Variants in ANK2 observed in about 807,000 individuals in gnomAD.
ANK2 encodes ankyrin-2.
Under a neutral mutation model 360.5 loss-of-function variants are expected in ANK2, and 83 were observed. That is an observed-to-expected ratio of 0.23 (90% CI 0.19 to 0.28). The LOEUF (loss-of-function observed/expected upper bound fraction) is 0.28. Ranked by LOEUF, ANK2 falls within the 10% of genes least tolerant of loss-of-function variation. The pLI, the probability that ANK2 is intolerant of heterozygous loss-of-function variation, is 1.00. For synonymous variants in ANK2, 1,740 were observed against 1,759.5 expected (o/e 0.99, Z 0.28); for missense variants, 4,201 against 4,795.7 (o/e 0.88, Z 3.66).
In ANK2 at chr4:113,336,045, C is replaced by T. The variant is rs3736575; in HGVS notation, c.3579C>T (p.Arg1193=). ...FPEGALTKRI[R]VGLQAQPMHS... ...AGGGGGCACTCACCAAGCGGATCCGCGTAGGCCTGCAGGTATGCCCATGTT... is the reference window on the plus strand; with the variant it reads ...AGGGGGCACTCACCAAGCGGATCCGTGTAGGCCTGCAGGTATGCCCATGTT... The change falls in exon 30 of 46, where the codon CGC becomes CGT. Residue 1193 remains arginine (R), a synonymous_variant. Coordinates refer to ENST00000357077, the MANE Select transcript of ANK2 (RefSeq NM_001148.6). 0.12 allele frequency: 200,365 copies of T among 1,613,414 alleles called. 20,512 individuals are homozygous for T. The highest frequency in any genetic ancestry group is 0.56 in the African/African-American group (41,571 of 74,874).
Position 113,245,816 on chromosome 4 carries a change from T to C in ANK2, c.891+3607T>C, listed in dbSNP as rs547624144. Among the ~76,000 whole-genome samples, 164 of 152,330 alleles carry C rather than the reference T, an allele frequency of 1.1e-3. 1 individual carries two copies. The highest frequency in any genetic ancestry group is 3.7e-3 in the African/African-American group (155 of 41,576). On this transcript the variant is annotated intron_variant, in intron 9 of 45. Coordinates refer to ENST00000357077, the MANE Select transcript of ANK2 (RefSeq NM_001148.6). ...GCTTCTACATATGAAAATTTTTTTTTTTTTGAGACGGAGTTTTCACTCTTG... is the reference window on the plus strand; with the variant it reads ...GCTTCTACATATGAAAATTTTTTTTCTTTTGAGACGGAGTTTTCACTCTTG...
At chr4:112,723,234 G>A in the ANK2 span, among the ~76,000 whole-genome samples, 1 of 152,180 alleles carries the variant, frequency 6.6e-6, no homozygotes, top group South Asian at 2.1e-4. Context: ...TGCAGTGGAA[G>A]GGAGGAAAAG....
At chr4:112,870,157 C>A (rs1393852220) in intron 1 of ANK2, among the ~76,000 whole-genome samples, 1 of 151,974 alleles carries the variant, frequency 6.6e-6, no homozygotes, top group Non-Finnish European at 1.5e-5. Flanking sequence ...CGCCACCACA[C>A]CCGGCTAATT....
chr4:113,039,338 C>G (rs2062365258), intron 2 of ANK2, among the ~76,000 whole-genome samples: 1 of 152,144 alleles, frequency 6.6e-6, no homozygotes, highest in Middle Eastern at 3.4e-3. Context: ...AAAACAGGCT[C>G]ATCTCCAAGT....
chr4:113,078,775 C>T (rs2081162162), intron 1 of ANK2, among the ~76,000 whole-genome samples: 1 of 152,136 alleles, frequency 6.6e-6, no homozygotes, highest in African/African-American at 2.4e-5. Flanking sequence ...ATATTCTGAA[C>T]AAAGTTTAAA....
intron 2 of ANK2, among the ~76,000 whole-genome samples, chr4:113,190,185 G>C (rs1363977285): frequency 1.3e-5 from 2 of 151,954 alleles, no homozygotes; most frequent in African/African-American, 4.8e-5. Flanking sequence ...TTTGAGGCAA[G>C]GGGTTTGCTC....
intron 1 of ANK2, among the ~76,000 whole-genome samples, chr4:113,139,148 C>T (rs1221942419): frequency 6.6e-6 from 1 of 152,144 alleles, no homozygotes; most frequent in Non-Finnish European, 1.5e-5. Flanking sequence ...ACAACCATGG[C>T]GTGCAACATA....
intron 1 of ANK2, among the ~76,000 whole-genome samples, chr4:112,820,127 A>C (rs1479517484): frequency 6.6e-6 from 1 of 152,256 alleles, no homozygotes; most frequent in Non-Finnish European, 1.5e-5. Flanking sequence ...ATGTGAAAAG[A>C]AATGGAAGAA....
the ANK2 span, among the ~76,000 whole-genome samples, chr4:112,789,166 T>C: frequency 6.6e-6 from 1 of 152,168 alleles, no homozygotes; most frequent in Non-Finnish European, 1.5e-5. Context: ...ATACAATTAT[T>C]ATACTGTGGT....
rs557013237 is a variant in ANK2 at position 112,981,783 on chromosome 4, G to T, written c.21+77269G>T. Among the ~76,000 whole-genome samples, 4 of 152,324 alleles carry T rather than the reference G, an allele frequency of 2.6e-5. No individual in the cohort carries two copies. The East Asian group carries it at 7.7e-4, about 29-fold the overall frequency. On this transcript the variant is annotated intron_variant, in intron 2 of 30. Coordinates refer to the ANK2 transcript ENST00000503271. ...GAAGGTCTAAAGAAAGGAAGTTTGG[G>T]CTGGAGATAGGAATTTGGAATTGTG... is the stretch of plus-strand genomic sequence containing the variant.
chr4:113,171,555 G>T (rs556736802), intron 1 of ANK2, among the ~76,000 whole-genome samples: 2 of 152,088 alleles, frequency 1.3e-5, no homozygotes, highest in South Asian at 4.2e-4. Context: ...TCCCTTAAAG[G>T]GGTTCTAGAA....
At chr4:112,737,756 C>T in the ANK2 span, among the ~76,000 whole-genome samples, 14 of 152,284 alleles carry the variant, frequency 9.2e-5, no homozygotes, top group South Asian at 2.9e-3. Flanking sequence ...TGGGCTTCTT[C>T]CTGGCTTGGT....
chr4:113,212,070 A>G (rs908107346), intron 4 of ANK2, among the ~76,000 whole-genome samples: 1 of 152,236 alleles, frequency 6.6e-6, no homozygotes, highest in African/African-American at 2.4e-5. Context: ...TTAATACATA[A>G]TTTGCATAGA....
intron 1 of ANK2, among the ~76,000 whole-genome samples, chr4:113,134,281 CTTTTTTTTTTTTTT>C (rs5861124): frequency 1.7e-4 from 15 of 86,114 alleles, no homozygotes; most frequent in East Asian, 3.3e-4. Flanking sequence ...TGAAAGTTGT[CTTTTTTTTTTTTTT>C]TTTTTTTTTT....
chr4:113,176,240 A>G (rs1233060470), intron 2 of ANK2, among the ~76,000 whole-genome samples: 1 of 152,178 alleles, frequency 6.6e-6, no homozygotes, highest in East Asian at 1.9e-4. Flanking sequence ...CTGAATTACA[A>G]CGTCCTTTGT....
chr4:113,275,984 C>T (rs1452529101), intron 15 of ANK2, among the ~76,000 whole-genome samples: 2 of 148,996 alleles, frequency 1.3e-5, no homozygotes, highest in Non-Finnish European at 3.0e-5. Flanking sequence ...CTCTGTCGCC[C>T]AGGCTGGAGT....
intron 1 of ANK2, among the ~76,000 whole-genome samples, chr4:112,851,500 C>G (rs1331538601): frequency 6.6e-6 from 1 of 152,212 alleles, no homozygotes; most frequent in Non-Finnish European, 1.5e-5. Flanking sequence ...AGTCCACTCT[C>G]ATCACATTCT....
intron 26 of ANK2, among the ~76,000 whole-genome samples, chr4:113,319,312 T>A (rs1397612270): frequency 2.0e-5 from 3 of 151,944 alleles, no homozygotes; most frequent in Non-Finnish European, 4.4e-5. Flanking sequence ...ATAAATTCTT[T>A]AAGGAGTTTT....
In ANK2 at chr4:113,237,155, G is replaced by T; in HGVS notation, c.652G>T (p.Ala218Ser). The T allele has an allele frequency of 6.2e-7, 1 of 1,613,968 alleles. No homozygotes were observed. The highest frequency in any genetic ancestry group is 8.5e-7 in the Non-Finnish European group (1 of 1,179,918). The change falls in exon 6 of 46, where the codon GCT (alanine) becomes TCT (serine). Residue 218 changes from alanine (A) to serine (S), a missense_variant. Ala to Ser is a moderately conservative substitution (Grantham distance 99). Coordinates refer to ENST00000357077, the MANE Select transcript of ANK2 (RefSeq NM_001148.6). ...ACTTCTGCTTCAGAATGACCACAAT[G>T]CTGACGTACAATCCAAGGTACTTAA... ...AALLLQNDHN[A>S]DVQSKMMVNR...
Sources: allele counts gnomAD v4.1 joint callset (sites outside exome capture counted in the v4.1 genomes callset), GRCh38; gene constraint gnomAD v4.1.1; transcripts MANE v1.5; gene names NCBI Gene and HGNC (gene_info 2026-07-23, HGNC 2026-07-21).